The following KLHL3 variants were observed in gnomAD, a reference collection of about 807,000 sequenced individuals.
KLHL3 encodes kelch-like protein 3.
KLHL3 carries 19 observed loss-of-function variants against 70.5 expected under a neutral mutation model. The ratio of observed to expected loss-of-function variants is 0.27; its 90% confidence interval spans 0.19 to 0.40. The LOEUF is 0.40. Ranked by LOEUF, KLHL3 falls within the 10% of genes least tolerant of loss-of-function variation. The pLI, the probability that KLHL3 is intolerant of heterozygous loss-of-function variation, is 1.00. For missense variants in KLHL3, 512 were observed against 771.1 expected, an observed-to-expected ratio of 0.66 and a Z score of 3.98; for synonymous variants, 258 against 290.3, an observed-to-expected ratio of 0.89 and a Z score of 1.13.
chr5:137,641,295 G>A (rs889588143), intron 8 of KLHL3, among the ~76,000 whole-genome samples: 1 of 152,072 alleles, frequency 6.6e-6, no homozygotes, highest in Non-Finnish European at 1.5e-5. Context: ...TCTCAAACTT[G>A]AGCATACATC....
At chr5:137,642,341 T>G (rs1750933085) in intron 8 of KLHL3, among the ~76,000 whole-genome samples, 1 of 152,218 alleles carries the variant, frequency 6.6e-6, no homozygotes, top group Non-Finnish European at 1.5e-5. Context: ...AACACCTGCT[T>G]ATCTTTCAGG....
chr5:137,710,981 C>T (rs905174313), intron 2 of KLHL3, among the ~76,000 whole-genome samples: 5 of 152,172 alleles, frequency 3.3e-5, no homozygotes, highest in Admixed American at 6.5e-5. Flanking sequence ...CTGATCACCA[C>T]TCATCCCTCC....
At chr5:137,704,258 G>A (rs558506741) in intron 3 of KLHL3, among the ~76,000 whole-genome samples, 25 of 152,124 alleles carry the variant, frequency 1.6e-4, no homozygotes, top group African/African-American at 5.1e-4. Flanking sequence ...GGTGGCGGGC[G>A]CCTGTAGTCC....
rs143827891 is a variant in KLHL3 at position 137,728,133 on chromosome 5, G to T, written c.14+7500C>A. Among the ~76,000 whole-genome samples the T allele has an allele frequency of 9.9e-5, 15 of 152,254 alleles. No homozygotes were observed. In the East Asian group the frequency reaches 2.9e-3, roughly 29 times the overall value. On this transcript the variant is annotated intron_variant, in intron 1 of 14. Transcript: ENST00000309755. ...CATTCATTTTTAATATAATTTATAAGTTACATAATTTGTTAATAATGGCTA... is the reference window on the plus strand; with the variant it reads ...CATTCATTTTTAATATAATTTATAATTTACATAATTTGTTAATAATGGCTA...
At chr5:137,729,077 G>T (rs982351274) in intron 1 of KLHL3, among the ~76,000 whole-genome samples, 1 of 152,016 alleles carries the variant, frequency 6.6e-6, no homozygotes, top group African/African-American at 2.4e-5. Flanking sequence ...TCTGAGAAAT[G>T]CTGTTAAAGG....
At chr5:137,644,642 A>C (rs1201895155) in intron 8 of KLHL3, among the ~76,000 whole-genome samples, 1 of 152,242 alleles carries the variant, frequency 6.6e-6, no homozygotes, top group East Asian at 1.9e-4. Context: ...AAACAGACCA[A>C]TAACAAGCAA....
intron 12 of KLHL3, among the ~76,000 whole-genome samples, chr5:137,630,807 C>T (rs1750616281): frequency 6.6e-6 from 1 of 152,030 alleles, no homozygotes; most frequent in Admixed American, 6.6e-5. Context: ...CACCAAGTCC[C>T]GGGCCTCCTG....
At chr5:137,666,454 C>T (rs1183914346) in intron 6 of KLHL3, among the ~76,000 whole-genome samples, 2 of 152,154 alleles carry the variant, frequency 1.3e-5, no homozygotes, top group African/African-American at 2.4e-5. Flanking sequence ...TGCTGCCTAG[C>T]ACAACACAAG....
chr5:137,647,509 C>T (rs1160752599), intron 8 of KLHL3: 4 of 470,808 alleles, frequency 8.5e-6, no homozygotes, highest in Non-Finnish European at 1.8e-5. Context: ...CTTTTTTCAT[C>T]GGGCAAGAGT....
At chr5:137,721,575 G>A (rs981804737) in intron 1 of KLHL3, among the ~76,000 whole-genome samples, 4 of 152,232 alleles carry the variant, frequency 2.6e-5, no homozygotes, top group African/African-American at 9.6e-5. Flanking sequence ...TGGAAAGAAA[G>A]GCTATCTATG....
chr5:137,649,229 G>A (rs192232199), intron 8 of KLHL3, among the ~76,000 whole-genome samples: 47 of 152,344 alleles, frequency 3.1e-4, no homozygotes, highest in African/African-American at 9.9e-4. Context: ...CCCCTTAAGT[G>A]TGGGCTAGAC....
chr5:137,682,749 T>C (rs1752063651), intron 5 of KLHL3, among the ~76,000 whole-genome samples: 1 of 152,316 alleles, frequency 6.6e-6, no homozygotes, highest in Admixed American at 6.5e-5. Flanking sequence ...TCTGTGTTAT[T>C]TGAAGCTGAA....
At chr5:137,626,761 T>C (rs912266223) in intron 13 of KLHL3, among the ~76,000 whole-genome samples, 4 of 152,198 alleles carry the variant, frequency 2.6e-5, no homozygotes, top group Non-Finnish European at 4.4e-5. Context: ...CCCAGCACTT[T>C]GGGAGGCCAA....
At chr5:137,630,661 G>T (rs941812639) in intron 12 of KLHL3, among the ~76,000 whole-genome samples, 8 of 152,210 alleles carry the variant, frequency 5.3e-5, no homozygotes, top group Non-Finnish European at 1.0e-4. Context: ...CATGGGATTT[G>T]TGGATCGACT....
rs1289385182 is a variant in KLHL3 at position 137,620,464 on chromosome 5, T to C, written c.*1634A>G. On this transcript the variant is annotated 3_prime_UTR_variant, in exon 15 of 15. Coordinates refer to ENST00000309755, the MANE Select transcript of KLHL3 (RefSeq NM_017415.3). Reference sequence around the variant, plus strand: ...GCCCAGTCGTATCAGAAGTCCAACATCAGGATTTATAAAGTTCCTTGGCTT... The same window carrying C: ...GCCCAGTCGTATCAGAAGTCCAACACCAGGATTTATAAAGTTCCTTGGCTT... 1 of 152,098 alleles carries C rather than the reference T, an allele frequency of 6.6e-6. No individual in the cohort carries two copies. The highest frequency in any genetic ancestry group is 2.4e-5 in the African/African-American group (1 of 41,412). 9.4% of individuals were successfully genotyped at this position (152,098 alleles called of 1,614,324 possible). A position where few individuals can be genotyped will look rare whatever the true frequency, so the allele number is the denominator to read the frequency against.
At chr5:137,703,185 G>A (rs540332234) in intron 3 of KLHL3, among the ~76,000 whole-genome samples, 5 of 149,716 alleles carry the variant, frequency 3.3e-5, no homozygotes, top group African/African-American at 1.2e-4. Context: ...AGAAAAGGGA[G>A]TGTTCAAGAG....
chr5:137,733,799 G>A (rs1462365817), intron 1 of KLHL3, among the ~76,000 whole-genome samples: 1 of 152,246 alleles, frequency 6.6e-6, no homozygotes, highest in Non-Finnish European at 1.5e-5. Flanking sequence ...AGAATTCTCA[G>A]TAGGTATATG....
chr5:137,691,780 T>G (rs1292553892), intron 5 of KLHL3, among the ~76,000 whole-genome samples: 1 of 148,860 alleles, frequency 6.7e-6, no homozygotes, highest in Non-Finnish European at 1.5e-5. Context: ...CCCGCTAATT[T>G]TTTTTTTTTT....
In KLHL3 at chr5:137,639,890, C is replaced by A. The variant is rs764226627; in HGVS notation, c.991G>T (p.Ala331Ser). ...DFEEDRWDQIAELPSRRCRAG... is the reference protein window; with the variant it reads ...DFEEDRWDQISELPSRRCRAG... ...CTGCATCTTCTGGAAGGAAGCTCAG[C>A]AATCTGATCCCACCGGTCCTCCTCG... Residue 331 changes from alanine (A) to serine (S), a missense_variant, in exon 9 of 15, where the codon GCT becomes TCT. Coordinates refer to ENST00000309755, the MANE Select transcript of KLHL3 (RefSeq NM_017415.3). This position sits in a 1 kb window ranked among gnomAD's most constrained non-coding sequence, Gnocchi z 5.0. The A allele has an allele frequency of 2.5e-6, 4 of 1,614,118 alleles. No homozygotes were observed. In the South Asian group the frequency reaches 4.4e-5, roughly 18 times the overall value.
Sources: gnomAD v4.1 joint callset for allele counts (sites outside exome capture counted in the v4.1 genomes callset) on GRCh38, gnomAD v4.1.1 for gene constraint, Gnocchi (gnomAD v3.1) non-coding constraint, MANE v1.5 for transcripts, NCBI Gene and HGNC (gene_info 2026-07-23, HGNC 2026-07-21) for gene names.